RNH1: variants seen among roughly 807,000 people sequenced by gnomAD.
RNH1 encodes the protein ribonuclease inhibitor.
Under a neutral mutation model 46.1 loss-of-function variants are expected in RNH1, and 38 were observed. The observed-to-expected ratio is 0.82, with a 90% CI of 0.64 to 1.08. The LOEUF (loss-of-function observed/expected upper bound fraction) is 1.08. Ranked by LOEUF, RNH1 falls within the 50% of genes least tolerant of loss-of-function variation. RNH1 has a pLI of 0.00. For synonymous variants in RNH1, 319 were observed against 279.1 expected (o/e 1.14, Z -1.43); for missense variants, 577 against 590.7 (o/e 0.98, Z 0.24).
Position 505,874 on chromosome 11 carries a change from C to CTT in RNH1, c.-260-880_-260-879dup, listed in dbSNP as rs35130438. On this transcript the variant is annotated intron_variant, in intron 1 of 10. Transcript: ENST00000354420. ...CTGCAGCGCACCCAGCCTAATGTAA[C>CTT]TTTTTTTTTTTTTTTTTTTTTTTGA... 2.5e-3 allele frequency: 300 copies of CTT among 117,994 alleles called. 1 individual carries two copies. Among genetic ancestry groups the CTT allele is most frequent in the East Asian group, 3.4e-3 (15 of 4,460 alleles). 7.3% of individuals were successfully genotyped at this position (117,994 alleles called of 1,614,324 possible).
In RNH1 at chr11:499,930, G is replaced by A. The variant is rs767415615; in HGVS notation, c.342C>T (p.Thr114=). The part of the protein sequence containing the change: ...VLSSTLRTLP[T]LQELHLSDNL... The stretch of plus-strand genomic sequence containing the variant: ...TGTCGCTGAGGTGCAGCTCCTGCAG[G>A]GTGGGCAGGGTGCGTAGTGTGCTGG... The change falls in exon 5 of 11, where the codon ACC becomes ACT. Residue 114 remains threonine, a synonymous_variant. Coordinates refer to ENST00000354420, the MANE Select transcript of RNH1 (RefSeq NM_203387.3). 1.2e-6 allele frequency: 2 copies of A among 1,612,076 alleles called. No homozygotes were observed. Among genetic ancestry groups the A allele is most frequent in the African/African-American group, 1.3e-5 (1 of 75,028 alleles).
chr11:497,916 A>G (rs1261439752), intron 9 of RNH1, 55 bp downstream of exon 9: 3 of 1,568,494 alleles, frequency 1.9e-6, no homozygotes, highest in East Asian at 4.5e-5. Flanking sequence ...CCTTGTGTGC[A>G]CACACGGGCA....
intron 2 of RNH1, among the ~76,000 whole-genome samples, chr11:504,207 G>A (rs1359067457): frequency 6.6e-6 from 1 of 152,204 alleles, no homozygotes; most frequent in Non-Finnish European, 1.5e-5. Context: ...ACGGGGGCGC[G>A]GGGCCACCCT....
chr11:496,731 C>G (rs1849099931), intron 9 of RNH1, among the ~76,000 whole-genome samples: 1 of 152,208 alleles, frequency 6.6e-6, no homozygotes, highest in African/African-American at 2.4e-5. Flanking sequence ...CTAAATGATC[C>G]AAGGACAGAA....
Position 499,113 on chromosome 11 carries a change from G to A in RNH1, c.516C>T (p.Phe172=), listed in dbSNP as rs1351482088. 1 of 1,613,440 alleles carries A rather than the reference G, an allele frequency of 6.2e-7. No homozygotes were observed. The highest frequency in any genetic ancestry group is 8.5e-7 in the Non-Finnish European group (1 of 1,179,938). ...CGTTGTTGCTAACCGTGAGCTCCTTGAAGTCCGGCTTGGCCCTGAGCACGG... is the reference window on the plus strand; with the variant it reads ...CGTTGTTGCTAACCGTGAGCTCCTTAAAGTCCGGCTTGGCCCTGAGCACGG... ...LASVLRAKPD[F]KELTVSNNDI... The change falls in exon 6 of 11, where the codon TTC becomes TTT. Residue 172 remains phenylalanine (F), a synonymous_variant. Coordinates refer to ENST00000354420, the MANE Select transcript of RNH1 (RefSeq NM_203387.3).
chr11:497,247 TCATGCTC>T (rs1299941997), intron 9 of RNH1, among the ~76,000 whole-genome samples: 1,932 of 129,068 alleles, frequency 0.015, 83 homozygotes, highest in African/African-American at 0.057. Flanking sequence ...ACACGGACAC[TCATGCTC>T]ACTCTCGCCC....
rs769276568 is a variant in RNH1 at position 499,909 on chromosome 11, G to A, written c.363C>T (p.Ser121=). The change falls in exon 5 of 11, where the codon AGC becomes AGT. Residue 121 remains serine (S), a synonymous_variant. Transcript: ENST00000354420. Reference sequence around the variant, plus strand: ...GGCCCGCATCCCCCAAGAGGTTGTCGCTGAGGTGCAGCTCCTGCAGGGTGG... The same window carrying A: ...GGCCCGCATCCCCCAAGAGGTTGTCACTGAGGTGCAGCTCCTGCAGGGTGG... The part of the protein sequence containing the change: ...TLPTLQELHL[S]DNLLGDAGLQ... 8 of 1,613,156 alleles carry A rather than the reference G, an allele frequency of 5.0e-6. No individual in the cohort carries two copies. In the East Asian group the frequency reaches 6.7e-5, roughly 13 times the overall value.
intron 4 of RNH1, 23 bp from the exon 5 acceptor site, chr11:500,022 C>A: frequency 6.6e-7 from 1 of 1,519,776 alleles, no homozygotes; most frequent in Non-Finnish European, 8.8e-7. Flanking sequence ...TGGCTGTCAG[C>A]AGGGCTCCCC....
Position 498,769 on chromosome 11 carries a change from G to A in RNH1, c.779C>T (p.Thr260Ile). ...GLLHPSSRLR[T>I]LWIWECGITA... Reference sequence around the variant, plus strand: ...CCTCGCGGAGATGACTCACCACAGGGTCCTGAGCCTGGAGCTGGGGTGGAG... The same window carrying A: ...CCTCGCGGAGATGACTCACCACAGGATCCTGAGCCTGGAGCTGGGGTGGAG... The change falls in exon 7 of 11, where the codon ACC (threonine) becomes ATC (isoleucine). Residue 260 changes from threonine (T) to isoleucine (I), a missense_variant. Coordinates refer to ENST00000354420, the MANE Select transcript of RNH1 (RefSeq NM_203387.3). The A allele has an allele frequency of 6.2e-7, 1 of 1,601,158 alleles. No individual in the cohort carries two copies. The highest frequency in any genetic ancestry group is 8.5e-7 in the Non-Finnish European group (1 of 1,177,544).
In RNH1 at chr11:498,881, C is replaced by T; in HGVS notation, c.667G>A (p.Val223Met). The T allele has an allele frequency of 1.2e-6, 2 of 1,612,534 alleles. No individual in the cohort carries two copies. Among genetic ancestry groups the T allele is most frequent in the Non-Finnish European group, 1.7e-6 (2 of 1,179,846 alleles). The change falls in exon 7 of 11, where the codon GTG becomes ATG. Residue 223 changes from valine to methionine, a missense_variant. Coordinates refer to ENST00000354420, the MANE Select transcript of RNH1 (RefSeq NM_203387.3). ...TCCCGCAGCGAGGCCTTGGAGGCCA[C>T]AATGCCGCACAGGTCCCGGCAGTTG... ...SDNCRDLCGIVASKASLRELA... is the reference protein window; with the variant it reads ...SDNCRDLCGIMASKASLRELA...
intron 1 of RNH1, chr11:505,465 G>T (rs1348993387): frequency 6.6e-6 from 1 of 152,216 alleles, no homozygotes; most frequent in Non-Finnish European, 1.5e-5. Flanking sequence ...GTGGCCTCTA[G>T]AAGTTGGAAG....
chr11:498,387 T>A, intron 8 of RNH1, 70 bp downstream of exon 8: 4 of 1,568,206 alleles, frequency 2.6e-6, no homozygotes, highest in Non-Finnish European at 3.5e-6. Context: ...CGCTCACTCC[T>A]CCCCTGGTCT....
rs1317285304 is a variant in RNH1, at chr11:500,651, C to T, written c.105G>A (p.Leu35=). The T allele has an allele frequency of 1.2e-5, 20 of 1,604,510 alleles. No homozygotes were observed. Among genetic ancestry groups the T allele is most frequent in the Non-Finnish European group, 1.7e-5 (20 of 1,179,918 alleles). Residue 35 remains leucine, a synonymous_variant, in exon 4 of 11, where the codon CTG becomes CTA. Coordinates refer to ENST00000354420, the MANE Select transcript of RNH1 (RefSeq NM_203387.3). ...PLLQQCQVVR[L]DDCGLTEARC... ...GTGCTTCCGTGAGGCCACAGTCGTC[C>T]AGCCTGTGAGCAGACCCCAGGGTCA...
chr11:496,652 G>A (rs1232642862), intron 9 of RNH1, among the ~76,000 whole-genome samples: 12 of 152,198 alleles, frequency 7.9e-5, no homozygotes, highest in African/African-American at 1.4e-4. Context: ...CTGGGCGACA[G>A]AGCAAGACTC....
rs577864215 is a variant in RNH1 at position 499,889 on chromosome 11, G to A, written c.383C>T (p.Ala128Val). 28 of 1,613,016 alleles carry A rather than the reference G, an allele frequency of 1.7e-5. No individual in the cohort carries two copies. Among genetic ancestry groups the A allele is most frequent in the African/African-American group, 1.3e-4 (10 of 74,932 alleles). ...TCCTTCGCAGAGCAGCTGCAGGCCCGCATCCCCCAAGAGGTTGTCGCTGAG... is the reference window on the plus strand; with the variant it reads ...TCCTTCGCAGAGCAGCTGCAGGCCCACATCCCCCAAGAGGTTGTCGCTGAG... ...LHLSDNLLGD[A>V]GLQLLCEGLL... Residue 128 changes from alanine to valine, a missense_variant, in exon 5 of 11, where the codon GCG becomes GTG. Transcript: ENST00000354420.
In RNH1 at chr11:506,990, G is replaced by A. The variant is rs1047493464; in HGVS notation, c.-261+123C>T. ...CGCCCGACCCCGCCCCGCCACGGGA[G>A]CGCGCCACTCGCCCGCGCAGCAACG... On this transcript the variant is annotated intron_variant, in intron 1 of 10. Transcript: ENST00000354420. 3 of 152,354 alleles carry A rather than the reference G, an allele frequency of 2.0e-5. No homozygotes were observed. In the East Asian group the frequency reaches 5.8e-4, roughly 29 times the overall value. 9.4% of individuals were successfully genotyped at this position (152,354 alleles called of 1,614,324 possible).
chr11:505,404 T>C (rs1850179432), intron 1 of RNH1: 1 of 152,140 alleles, frequency 6.6e-6, no homozygotes, highest in Admixed American at 6.5e-5. Flanking sequence ...GGCCGGCATA[T>C]AATCATGAGA....
chr11:505,183 C>T (rs965902389), intron 1 of RNH1, 187 bp from the exon 2 acceptor site: 2 of 152,156 alleles, frequency 1.3e-5, no homozygotes, highest in African/African-American at 2.4e-5. Context: ...TGTCACCGGC[C>T]GCGGTCACTC....
At chr11:497,195 AC>A (rs1849180014) in intron 9 of RNH1, among the ~76,000 whole-genome samples, 1 of 126,876 alleles carries the variant, frequency 7.9e-6, no homozygotes, top group African/African-American at 3.3e-5. Flanking sequence ...ACTCGTGCTC[AC>A]TCTCACCCAT....
Sources: allele counts gnomAD v4.1 joint callset (sites outside exome capture counted in the v4.1 genomes callset), GRCh38; gene constraint gnomAD v4.1.1; transcripts MANE v1.5; gene names NCBI Gene and HGNC (gene_info 2026-07-23, HGNC 2026-07-21).